The following DOCK2 variants were observed in gnomAD, a reference collection of about 807,000 sequenced individuals.
DOCK2 encodes the protein dedicator of cytokinesis 2, also known as dedicator of cytokinesis protein 2.
Under a neutral mutation model 248.9 loss-of-function variants are expected in DOCK2, and 87 were observed. The ratio of observed to expected loss-of-function variants is 0.35; its 90% CI spans 0.29 to 0.42. The LOEUF (loss-of-function observed/expected upper bound fraction) is 0.42, where lower values mean the gene tolerates loss of function less well. Ranked by LOEUF, DOCK2 falls within the 10% of genes least tolerant of loss-of-function variation. The pLI is 1.00. For missense variants in DOCK2, 1,747 were observed against 2,300.2 expected, an observed-to-expected ratio of 0.76 and a Z score of 4.92; for synonymous variants, 805 against 821.6, an observed-to-expected ratio of 0.98 and a Z score of 0.35.
intron 41 of DOCK2, among the ~76,000 whole-genome samples, chr5:170,055,066 G>A (rs1757072478): frequency 6.6e-6 from 1 of 152,168 alleles, no homozygotes; most frequent in Admixed American, 6.5e-5. Flanking sequence ...AACACCACTA[G>A]ACAACTCTGT....
chr5:169,901,337 G>A (rs1773911469), intron 27 of DOCK2, among the ~76,000 whole-genome samples: 1 of 152,182 alleles, frequency 6.6e-6, no homozygotes, highest in Non-Finnish European at 1.5e-5. Context: ...TTAGGCAGGA[G>A]TGATGATATT....
In DOCK2 at chr5:169,767,497, G is replaced by C. The variant is rs544589037; in HGVS notation, c.2554+5872G>C. Among the ~76,000 whole-genome samples, 14 of 152,290 alleles carry C rather than the reference G, an allele frequency of 9.2e-5. No individual in the cohort carries two copies. The South Asian group carries it at 2.9e-3, about 32-fold the overall frequency. ...AGAAAAATTTGAAAAATGTGAATAG[G>C]AGTGTCATAGAATAAGAGACCTTTG... On this transcript the variant is annotated intron_variant, in intron 25 of 51. Coordinates refer to ENST00000520908, the MANE Select transcript of DOCK2 (RefSeq NM_004946.3).
chr5:169,763,308 C>T lies in DOCK2; in HGVS notation c.2554+1683C>T, dbSNP rs1352038090. Among the ~76,000 whole-genome samples the T allele has an allele frequency of 6.6e-6, 1 of 152,240 alleles. No homozygotes were observed. Among genetic ancestry groups the T allele is most frequent in the African/African-American group, 2.4e-5 (1 of 41,462 alleles). On this transcript the variant is annotated intron_variant, in intron 25 of 51. Transcript: ENST00000520908. The surrounding 1 kb of genome is among the most constrained non-coding windows in gnomAD (Gnocchi z 4.1). ...CTGCCCCTTCCTGCCCTGGAAGCCC[C>T]TCTCAGGATTTCAGGTGGTGCCACT... is the stretch of plus-strand genomic sequence containing the variant.
chr5:169,645,387 G>A (rs188801255), intron 1 of DOCK2, among the ~76,000 whole-genome samples: 49 of 152,268 alleles, frequency 3.2e-4, no homozygotes, highest in Non-Finnish European at 5.4e-4. Context: ...GGTGTTGAGC[G>A]TTTTTTCATG....
intron 27 of DOCK2, among the ~76,000 whole-genome samples, chr5:169,908,397 TG>T (rs1426807871): frequency 2.0e-5 from 3 of 152,200 alleles, no homozygotes; most frequent in Admixed American, 2.0e-4. Flanking sequence ...TCTAAGAATA[TG>T]CTTTCCCCTG....
At chr5:170,058,931 G>T (rs1204252886) in intron 44 of DOCK2, among the ~76,000 whole-genome samples, 2 of 152,140 alleles carry the variant, frequency 1.3e-5, no homozygotes, top group African/African-American at 4.8e-5. Context: ...GATGGTGATA[G>T]CAAAAAACAT....
chr5:169,908,256 G>A (rs564644073), intron 27 of DOCK2, among the ~76,000 whole-genome samples: 1 of 152,020 alleles, frequency 6.6e-6, no homozygotes, highest in Admixed American at 6.6e-5. Flanking sequence ...TCCCTTGGTG[G>A]CAACTAGATT....
chr5:169,782,580 G>A lies in DOCK2; in HGVS notation c.2555-20478G>A, dbSNP rs143495317. Among the ~76,000 whole-genome samples, 579 of 151,656 alleles carry A rather than the reference G, an allele frequency of 3.8e-3. 2 individuals carry two copies. The highest frequency in any genetic ancestry group is 0.027 in the Middle Eastern group (8 of 294). ...CAGAATGCCTGCTGTGTGATTGCAGGTCTCCAGGTCCTTCTTTCTACGCCT... is the reference window on the plus strand; with the variant it reads ...CAGAATGCCTGCTGTGTGATTGCAGATCTCCAGGTCCTTCTTTCTACGCCT... On this transcript the variant is annotated intron_variant, in intron 25 of 51. Coordinates refer to ENST00000520908, the MANE Select transcript of DOCK2 (RefSeq NM_004946.3).
At chr5:169,749,047 G>A (rs1561660314) in intron 23 of DOCK2, among the ~76,000 whole-genome samples, 1 of 152,252 alleles carries the variant, frequency 6.6e-6, no homozygotes, top group Non-Finnish European at 1.5e-5. Flanking sequence ...GTCCTTGTGT[G>A]GGATTTGCTG....
chr5:169,685,562 C>T (rs1264469886), intron 8 of DOCK2, among the ~76,000 whole-genome samples: 2 of 152,220 alleles, frequency 1.3e-5, no homozygotes, highest in African/African-American at 4.8e-5. Flanking sequence ...TAGAAAAGAG[C>T]TAGGACATGA....
chr5:169,747,613 A>G (rs1763681597), intron 23 of DOCK2, 109 bp downstream of exon 23: 11 of 973,930 alleles, frequency 1.1e-5, no homozygotes, highest in Non-Finnish European at 1.6e-5. Context: ...GTATCCAGTG[A>G]AGGCCTGGGC....
chr5:169,919,481 A>C lies in DOCK2; in HGVS notation c.2800-63587A>C, dbSNP rs187472414. Among the ~76,000 whole-genome samples the C allele has an allele frequency of 2.4e-3, 365 of 152,378 alleles. 3 individuals carry two copies. Among genetic ancestry groups the C allele is most frequent in the African/African-American group, 8.6e-3 (359 of 41,588 alleles). On this transcript the variant is annotated intron_variant, in intron 27 of 51. Coordinates refer to ENST00000520908, the MANE Select transcript of DOCK2 (RefSeq NM_004946.3). ...TATCATTAATTGACCCCAGGCTGGC[A>C]GCCACCTGATTTATTCTCTGAAGTC...
At chr5:169,901,345 A>G (rs541805041) in intron 27 of DOCK2, among the ~76,000 whole-genome samples, 2 of 152,316 alleles carry the variant, frequency 1.3e-5, no homozygotes, top group Non-Finnish European at 2.9e-5. Flanking sequence ...GAGTGATGAT[A>G]TTGGTCCTGA....
At chr5:169,769,171 A>T (rs969701164) in intron 25 of DOCK2, among the ~76,000 whole-genome samples, 1 of 152,154 alleles carries the variant, frequency 6.6e-6, no homozygotes, top group African/African-American at 2.4e-5. Context: ...ATTTCAATAC[A>T]TGGTATCTTA....
intron 23 of DOCK2, among the ~76,000 whole-genome samples, chr5:169,755,100 G>C (rs1228768349): frequency 1.3e-5 from 2 of 151,640 alleles, no homozygotes; most frequent in Non-Finnish European, 2.9e-5. Flanking sequence ...ACCATGCCTG[G>C]GTATTTTTTT....
chr5:169,969,857 A>G (rs1777436874), intron 27 of DOCK2, among the ~76,000 whole-genome samples: 1 of 152,262 alleles, frequency 6.6e-6, no homozygotes, highest in African/African-American at 2.4e-5. Context: ...CCTTGGAAAT[A>G]TAGACTGGGA....
intron 6 of DOCK2, among the ~76,000 whole-genome samples, chr5:169,680,210 A>G (rs1942053923): frequency 6.6e-6 from 1 of 152,198 alleles, no homozygotes; most frequent in African/African-American, 2.4e-5. Flanking sequence ...TCATATCCTC[A>G]GTCTTTTCTT....
chr5:170,042,172 A>C (rs1483830378), intron 38 of DOCK2, 40 bp downstream of exon 38: 2 of 1,565,620 alleles, frequency 1.3e-6, no homozygotes, highest in Non-Finnish European at 1.7e-6. Flanking sequence ...GACCCTGGCC[A>C]CTGGAAGGAT....
intron 2 of DOCK2, among the ~76,000 whole-genome samples, chr5:169,659,751 C>T (rs1213611497): frequency 2.6e-5 from 4 of 152,224 alleles, no homozygotes; most frequent in Admixed American, 6.5e-5. Flanking sequence ...TATCCAGAGG[C>T]GGCATAAACA....
Sources: gnomAD v4.1 joint callset for allele counts (sites outside exome capture counted in the v4.1 genomes callset) on GRCh38, gnomAD v4.1.1 for gene constraint, Gnocchi (gnomAD v3.1) non-coding constraint, MANE v1.5 for transcripts, NCBI Gene and HGNC (gene_info 2026-07-23, HGNC 2026-07-21) for gene names.